The following PHF24 variants were observed in gnomAD, a reference collection of about 807,000 sequenced individuals.
PHF24 encodes the protein PHD finger protein 24, also known as Galpha inhibitory interacting protein.
PHF24 carries 25 observed loss-of-function variants against 42.6 expected under a neutral mutation model. The observed-to-expected ratio is 0.59, with a 90% CI of 0.43 to 0.82. The LOEUF (loss-of-function observed/expected upper bound fraction) is 0.82, where lower values mean the gene tolerates loss of function less well. Among genes scored for constraint, PHF24 ranks in the 40% least tolerant of loss-of-function variants. PHF24 has a pLI of 0.00. For synonymous variants in PHF24, 185 were observed against 204.8 expected (o/e 0.90, Z 0.83); for missense variants, 470 against 538.1 (o/e 0.87, Z 1.25).
chr9:34,723,433 C>T, the PHF24 span: 62 of 1,551,650 alleles, frequency 4.0e-5, no homozygotes, highest in South Asian at 4.3e-4. Context: ...AGCACCCTGT[C>T]GGCTTCTCCG....
the PHF24 span, among the ~76,000 whole-genome samples, chr9:34,891,283 C>T: frequency 2.0e-5 from 3 of 152,184 alleles, no homozygotes; most frequent in Admixed American, 2.0e-4. Flanking sequence ...ACAGGGGCGC[C>T]AAGTTGCTTC....
the PHF24 span, among the ~76,000 whole-genome samples, chr9:34,737,231 G>A: frequency 6.6e-6 from 1 of 152,088 alleles, no homozygotes; most frequent in Non-Finnish European, 1.5e-5. Flanking sequence ...CAGCAACCAT[G>A]AATCTGCTTT....
chr9:34,753,637 C>A, the PHF24 span, among the ~76,000 whole-genome samples: 1 of 152,042 alleles, frequency 6.6e-6, no homozygotes, highest in African/African-American at 2.4e-5. Flanking sequence ...ATAGAAAAAA[C>A]AATCCTAAAA....
exon 8 of PHF24, chr9:34,978,850 C>T (rs1388678863): frequency 6.6e-6 from 1 of 152,182 alleles, no homozygotes; most frequent in Non-Finnish European, 1.5e-5. Flanking sequence ...ACTCGGGATT[C>T]TAGGAACCTC....
At chr9:34,705,934 A>G in the PHF24 span, among the ~76,000 whole-genome samples, 5 of 152,302 alleles carry the variant, frequency 3.3e-5, no homozygotes, top group Admixed American at 3.3e-4. Context: ...TATACCTCGA[A>G]GTTATAACCA....
chr9:34,952,479 G>GCCA, the PHF24 span, among the ~76,000 whole-genome samples: 1 of 152,144 alleles, frequency 6.6e-6, no homozygotes, highest in East Asian at 1.9e-4. Flanking sequence ...CAATTAAAAT[G>GCCA]CCACCAGGAT....
At chr9:34,689,491 C>T in the PHF24 span, 1 of 307,496 alleles carries the variant, frequency 3.3e-6, no homozygotes, top group South Asian at 7.5e-5. The surrounding 1 kb of genome is among the most constrained non-coding windows in gnomAD (Gnocchi z 4.1). Context: ...GTGCCAGGTG[C>T]CTTTTTTTTT....
At chr9:34,773,788 T>C in the PHF24 span, among the ~76,000 whole-genome samples, 2 of 152,088 alleles carry the variant, frequency 1.3e-5, no homozygotes, top group Non-Finnish European at 2.9e-5. Context: ...ATTTGACCAA[T>C]ATTTCTCAAA....
the PHF24 span, among the ~76,000 whole-genome samples, chr9:34,843,656 A>G: frequency 2.6e-5 from 4 of 152,240 alleles, no homozygotes; most frequent in Admixed American, 1.3e-4. Context: ...GCTGCATAAC[A>G]AATTACCACA....
the PHF24 span, among the ~76,000 whole-genome samples, chr9:34,804,431 T>C: frequency 6.6e-6 from 1 of 152,214 alleles, no homozygotes; most frequent in East Asian, 1.9e-4. Context: ...CCGAGTAATG[T>C]TTGTGAAATT....
At chr9:34,667,171 T>C in the PHF24 span, among the ~76,000 whole-genome samples, 1 of 152,208 alleles carries the variant, frequency 6.6e-6, no homozygotes, top group Non-Finnish European at 1.5e-5. Flanking sequence ...GGCCCAGTAC[T>C]GAGCTGTAGT....
At chr9:34,953,882 G>A (rs537677195), upstream of PHF24, among the ~76,000 whole-genome samples, 1 of 152,262 alleles carries the variant, frequency 6.6e-6, no homozygotes, top group African/African-American at 2.4e-5. This position sits in a 1 kb window ranked among gnomAD's most constrained non-coding sequence, Gnocchi z 4.1. Context: ...GCTGCAGTGA[G>A]CTGTGATTGC....
chr9:34,742,311 G>A, the PHF24 span, among the ~76,000 whole-genome samples: 1 of 152,208 alleles, frequency 6.6e-6, no homozygotes, highest in Non-Finnish European at 1.5e-5. Flanking sequence ...GTTCAGAGGA[G>A]CAGAGCTGGG....
the PHF24 span, chr9:34,726,398 G>A: frequency 6.5e-7 from 1 of 1,548,576 alleles, no homozygotes; most frequent in East Asian, 2.4e-5. Context: ...CAGGTGGGCA[G>A]GGAGGACCAT....
At chr9:34,850,717 C>T in the PHF24 span, among the ~76,000 whole-genome samples, 8 of 152,120 alleles carry the variant, frequency 5.3e-5, no homozygotes, top group African/African-American at 1.4e-4. Flanking sequence ...GATTTTTCCC[C>T]ATCTTTGTGG....
chr9:34,711,670 G>A, the PHF24 span, among the ~76,000 whole-genome samples: 12 of 151,986 alleles, frequency 7.9e-5, no homozygotes, highest in East Asian at 2.1e-3. Flanking sequence ...AGCCTCCCGA[G>A]TAACTGGGAT....
At chr9:34,937,013 G>A in the PHF24 span, among the ~76,000 whole-genome samples, 79 of 57,504 alleles carry the variant, frequency 1.4e-3, no homozygotes, top group East Asian at 0.023. Context: ...CGCCCCGTCC[G>A]GGAGGGAGGT....
At chr9:34,911,661 C>T in the PHF24 span, among the ~76,000 whole-genome samples, 1 of 151,734 alleles carries the variant, frequency 6.6e-6, no homozygotes, top group Non-Finnish European at 1.5e-5. Context: ...TTCCAAATTT[C>T]AGTTAATTCA....
the PHF24 span, chr9:34,922,790 G>A: frequency 1.3e-6 from 2 of 1,592,656 alleles, no homozygotes; most frequent in Non-Finnish European, 1.7e-6. Flanking sequence ...AAGCAACTGA[G>A]AGAAGATTCC....
Sources: allele counts gnomAD v4.1 joint callset (sites outside exome capture counted in the v4.1 genomes callset), GRCh38; gene constraint gnomAD v4.1.1; non-coding constraint Gnocchi (gnomAD v3.1); transcripts MANE v1.5; gene names NCBI Gene and HGNC (gene_info 2026-07-23, HGNC 2026-07-21).